The following HS3ST2 variants were observed in gnomAD, a reference collection of about 807,000 sequenced individuals.
HS3ST2 encodes heparan sulfate glucosamine 3-O-sulfotransferase 2.
HS3ST2 carries 17 observed loss-of-function variants against 26.3 expected under a neutral mutation model. The ratio of observed to expected loss-of-function variants is 0.65; its 90% confidence interval spans 0.44 to 0.97. HS3ST2 has a LOEUF of 0.97. HS3ST2 is among the 50% of genes least tolerant of loss of function. HS3ST2 has a pLI of 0.00. For synonymous variants in HS3ST2, 237 were observed against 219.2 expected, an observed-to-expected ratio of 1.08 and a Z score of -0.72; for missense variants, 402 against 501.2, an observed-to-expected ratio of 0.80 and a Z score of 1.89.
intron 1 of HS3ST2, among the ~76,000 whole-genome samples, chr16:22,856,303 AT>A (rs1901593010): frequency 6.6e-6 from 1 of 152,180 alleles, no homozygotes; most frequent in African/African-American, 2.4e-5. Flanking sequence ...GAAGGGACAC[AT>A]TTTGCTAATC....
intron 1 of HS3ST2, among the ~76,000 whole-genome samples, chr16:22,893,083 C>A (rs1902151573): frequency 6.6e-6 from 1 of 152,198 alleles, no homozygotes; most frequent in African/African-American, 2.4e-5. Context: ...TTTGCCTTGC[C>A]TAACTTTAAT....
At chr16:22,852,865 A>G (rs1901536700) in intron 1 of HS3ST2, among the ~76,000 whole-genome samples, 1 of 152,204 alleles carries the variant, frequency 6.6e-6, no homozygotes, top group Non-Finnish European at 1.5e-5. Context: ...TTGGTCCTTC[A>G]TAAAATCCCC....
Position 22,903,697 on chromosome 16 carries a change from A to G in HS3ST2, c.486-11247A>G, listed in dbSNP as rs540651271. ...CAGTCTCTTTGCTCAGTGGTCCTCT[A>G]TGTGGACATACCATGTAAGAAGGAT... On this transcript the variant is annotated intron_variant, in intron 1 of 1. Coordinates refer to ENST00000261374, the MANE Select transcript of HS3ST2 (RefSeq NM_006043.2). 2.6e-5 allele frequency among the ~76,000 whole-genome samples: 4 copies of G among 152,326 alleles called. No homozygotes were observed. In the East Asian group the frequency reaches 7.7e-4, roughly 29 times the overall value.
chr16:22,825,170 G>A (rs941517755), intron 1 of HS3ST2, among the ~76,000 whole-genome samples: 2 of 152,220 alleles, frequency 1.3e-5, no homozygotes, highest in African/African-American at 4.8e-5. Context: ...GAGTGTGTGT[G>A]CCAACCAGAG....
chr16:22,899,889 A>G (rs1370864095), intron 1 of HS3ST2, among the ~76,000 whole-genome samples: 1 of 152,198 alleles, frequency 6.6e-6, no homozygotes, highest in Non-Finnish European at 1.5e-5. Flanking sequence ...GGGAGCTACA[A>G]TTTGATATTT....
intron 1 of HS3ST2, among the ~76,000 whole-genome samples, chr16:22,911,044 T>C (rs370711473): frequency 3.3e-5 from 5 of 152,182 alleles, no homozygotes; most frequent in Admixed American, 1.3e-4. Context: ...ATTTGAAACA[T>C]TTACTATGAA....
intron 1 of HS3ST2, among the ~76,000 whole-genome samples, chr16:22,839,105 C>T (rs1370232023): frequency 6.6e-6 from 1 of 152,226 alleles, no homozygotes; most frequent in Non-Finnish European, 1.5e-5. Context: ...TCCTCAAACA[C>T]CTGTGCATTA....
At chr16:22,832,391 G>A (rs1471195120) in intron 1 of HS3ST2, among the ~76,000 whole-genome samples, 1 of 152,062 alleles carries the variant, frequency 6.6e-6, no homozygotes, top group African/African-American at 2.4e-5. Context: ...TCAACAGAAT[G>A]TGGTTCATAA....
intron 1 of HS3ST2, among the ~76,000 whole-genome samples, chr16:22,875,437 G>A (rs1901902452): frequency 6.6e-6 from 1 of 152,008 alleles, no homozygotes; most frequent in Non-Finnish European, 1.5e-5. Flanking sequence ...CTGGAGTGCA[G>A]TGGCATGATC....
chr16:22,843,094 T>C (rs1901381335), intron 1 of HS3ST2, among the ~76,000 whole-genome samples: 1 of 152,154 alleles, frequency 6.6e-6, no homozygotes. Context: ...CATGTTTTTC[T>C]TCTACTCTCA....
Position 22,822,867 on chromosome 16 carries a change from A to G in HS3ST2, c.485+7772A>G, listed in dbSNP as rs539512313. Among the ~76,000 whole-genome samples the G allele has an allele frequency of 6.1e-4, 92 of 152,060 alleles. 1 individual carries two copies. Among genetic ancestry groups the G allele is most frequent in the East Asian group, 5.6e-3 (29 of 5,182 alleles). ...AAGACTCCGTCTCAGAAAAAAAAAAAAAAGAAAGAAAGAAAAAAAGATATT... is the reference window on the plus strand; with the variant it reads ...AAGACTCCGTCTCAGAAAAAAAAAAGAAAGAAAGAAAGAAAAAAAGATATT... On this transcript the variant is annotated intron_variant, in intron 1 of 1. Transcript: ENST00000261374.
chr16:22,880,987 C>T (rs1200354620), intron 1 of HS3ST2, among the ~76,000 whole-genome samples: 1 of 152,240 alleles, frequency 6.6e-6, no homozygotes, highest in Non-Finnish European at 1.5e-5. Context: ...AGATGCATCG[C>T]TGGACTTTCA....
At chr16:22,835,599 T>C (rs1460232993) in intron 1 of HS3ST2, among the ~76,000 whole-genome samples, 1 of 152,184 alleles carries the variant, frequency 6.6e-6, no homozygotes, top group African/African-American at 2.4e-5. Context: ...AGATTTTCAA[T>C]TATTTGGGCT....
chr16:22,912,692 C>T (rs1277781554), intron 1 of HS3ST2, among the ~76,000 whole-genome samples: 1 of 152,062 alleles, frequency 6.6e-6, no homozygotes, highest in Non-Finnish European at 1.5e-5. Context: ...ATATTTATAC[C>T]CACTTCTAAT....
intron 1 of HS3ST2, among the ~76,000 whole-genome samples, chr16:22,855,696 G>C (rs77318521): frequency 1.5e-4 from 21 of 143,042 alleles, no homozygotes; most frequent in East Asian, 4.2e-4. Flanking sequence ...CTGTCTCTCT[G>C]TCTCTCTCTC....
intron 1 of HS3ST2, among the ~76,000 whole-genome samples, chr16:22,847,624 G>A (rs1225919795): frequency 6.6e-6 from 1 of 152,012 alleles, no homozygotes; most frequent in African/African-American, 2.4e-5. Context: ...TGGAAGAGAA[G>A]TATGAGGATA....
intron 1 of HS3ST2, among the ~76,000 whole-genome samples, chr16:22,846,663 C>T (rs1400620885): frequency 1.3e-5 from 2 of 152,132 alleles, no homozygotes; most frequent in Admixed American, 6.5e-5. Context: ...CGAGGAACTA[C>T]CATGTACTGT....
At chr16:22,826,637 A>T (rs463131) in intron 1 of HS3ST2, among the ~76,000 whole-genome samples, 15 of 152,074 alleles carry the variant, frequency 9.9e-5, no homozygotes, top group Non-Finnish European at 5.9e-5. Flanking sequence ...GTCTGGCACA[A>T]GATGGGTGCT....
chr16:22,827,185 G>A (rs2141176872), intron 1 of HS3ST2, among the ~76,000 whole-genome samples: 1 of 152,280 alleles, frequency 6.6e-6, no homozygotes, highest in East Asian at 1.9e-4. Context: ...AGGACAGAGG[G>A]TGGCTGGCAT....
Sources: allele counts gnomAD v4.1 joint callset (sites outside exome capture counted in the v4.1 genomes callset), GRCh38; gene constraint gnomAD v4.1.1; transcripts MANE v1.5; gene names NCBI Gene and HGNC (gene_info 2026-07-23, HGNC 2026-07-21).